ATP9B: variants seen among roughly 807,000 people sequenced by gnomAD.
ATP9B encodes the protein ATPase phospholipid transporting 9B, also known as probable phospholipid-transporting ATPase IIB.
A neutral mutation model predicts 146.1 loss-of-function variants in ATP9B; 110 were observed. The observed-to-expected ratio is 0.75, with a 90% CI of 0.65 to 0.88. ATP9B has a LOEUF of 0.88. ATP9B is among the 40% of genes least tolerant of loss of function. ATP9B has a pLI of 0.00. For missense variants in ATP9B, 1,499 were observed against 1,496.4 expected (o/e 1.00, Z -0.03); for synonymous variants, 604 against 569.7 (o/e 1.06, Z -0.86).
intron 8 of ATP9B, among the ~76,000 whole-genome samples, chr18:79,187,202 A>G (rs999244966): frequency 2.0e-5 from 3 of 152,222 alleles, no homozygotes; most frequent in Non-Finnish European, 4.4e-5. Flanking sequence ...TTTCTGCTAC[A>G]CTGTCTAGGG....
chr18:79,125,137 A>G (rs2094260787), intron 4 of ATP9B, among the ~76,000 whole-genome samples: 1 of 152,190 alleles, frequency 6.6e-6, no homozygotes. Context: ...AGTATACTGG[A>G]TATGAAAAGG....
At chr18:79,340,814 G>C (rs917522526) in intron 19 of ATP9B, among the ~76,000 whole-genome samples, 6 of 152,178 alleles carry the variant, frequency 3.9e-5, no homozygotes, top group Non-Finnish European at 7.3e-5. Context: ...CTTTTGGTTT[G>C]ACTATGGGCC....
intron 11 of ATP9B, among the ~76,000 whole-genome samples, chr18:79,215,799 C>G (rs1307639361): frequency 1.3e-5 from 2 of 152,120 alleles, no homozygotes; most frequent in East Asian, 3.9e-4. Flanking sequence ...AAGCGATTCT[C>G]CTGCCTCAGC....
chr18:79,339,540 T>C (rs370819859), intron 19 of ATP9B, among the ~76,000 whole-genome samples: 20 of 151,204 alleles, frequency 1.3e-4, no homozygotes, highest in Non-Finnish European at 2.8e-4. Context: ...CTGTATCATA[T>C]CTGAGATCGC....
In ATP9B at chr18:79,122,959, T is replaced by C. The variant is rs148522930; in HGVS notation, c.559-3308T>C. ...ATAAAAATTTCTTCTGTTCTTAAAA[T>C]TTTGTACTTCACACAGCTGACATCA... On this transcript the variant is annotated intron_variant, in intron 4 of 29. Coordinates refer to ENST00000426216, the MANE Select transcript of ATP9B (RefSeq NM_198531.5). 4.1e-4 allele frequency among the ~76,000 whole-genome samples: 63 copies of C among 152,308 alleles called. 1 individual carries two copies. The East Asian group carries it at 6.2e-3, about 15-fold the overall frequency.
At chr18:79,354,584 A>C (rs1208415103) in intron 25 of ATP9B, 6 of 147,940 alleles carry the variant, frequency 4.1e-5, no homozygotes, top group Admixed American at 6.8e-5. Context: ...AAAAAAAAAA[A>C]AAAAAAAAAA....
At position 79,342,253 on chromosome 18, in the gene ATP9B, T is replaced by G; in HGVS notation, c.2284-15T>G. On this transcript the variant is annotated splice_polypyrimidine_tract_variant and intron_variant, in intron 19 of 29. Coordinates refer to ENST00000426216, the MANE Select transcript of ATP9B (RefSeq NM_198531.5). ...CTTGTCTTGTTGAAATTCACCAGTT[T>G]AAATTGTTCCCTAGATATGGATGCT... is the stretch of plus-strand genomic sequence containing the variant. 1 of 1,597,576 alleles carries G rather than the reference T, an allele frequency of 6.3e-7. No individual in the cohort carries two copies. The highest frequency in any genetic ancestry group is 1.1e-5 in the South Asian group (1 of 90,496).
chr18:79,347,435 T>TC (rs1185665770), intron 23 of ATP9B, among the ~76,000 whole-genome samples: 3 of 150,132 alleles, frequency 2.0e-5, no homozygotes, highest in Non-Finnish European at 4.4e-5. Flanking sequence ...AGGGGTGTCT[T>TC]CCGACAGGGC....
chr18:79,201,639 C>T (rs1012577763), intron 9 of ATP9B, among the ~76,000 whole-genome samples: 2 of 152,030 alleles, frequency 1.3e-5, no homozygotes, highest in African/African-American at 2.4e-5. Flanking sequence ...GGCGTGATCT[C>T]GGCTCACTGT....
chr18:79,111,015 CCTT>C (rs1206717895), intron 3 of ATP9B, among the ~76,000 whole-genome samples: 5 of 152,070 alleles, frequency 3.3e-5, no homozygotes, highest in African/African-American at 7.2e-5. Context: ...AAATCTCAGA[CCTT>C]CTTATATTGT....
At chr18:79,200,973 C>G (rs1304017282) in intron 9 of ATP9B, among the ~76,000 whole-genome samples, 1 of 152,170 alleles carries the variant, frequency 6.6e-6, no homozygotes, top group Non-Finnish European at 1.5e-5. Flanking sequence ...GTGTTGAGCA[C>G]AAACTGAATT....
intron 27 of ATP9B, among the ~76,000 whole-genome samples, chr18:79,373,491 C>CTT (rs59813494): frequency 0.22 from 27,634 of 127,558 alleles, 3,476 homozygotes; most frequent in East Asian, 0.52. Flanking sequence ...CATTATCCGC[C>CTT]TTTTTTTTTT....
At chr18:79,309,420 A>G (rs2096638682) in intron 15 of ATP9B, among the ~76,000 whole-genome samples, 1 of 146,786 alleles carries the variant, frequency 6.8e-6, no homozygotes, top group African/African-American at 2.6e-5. Context: ...AGCAGGTAGA[A>G]GGTCAGGGGT....
At chr18:79,267,354 T>C (rs1344533030) in intron 12 of ATP9B, among the ~76,000 whole-genome samples, 1 of 152,094 alleles carries the variant, frequency 6.6e-6, no homozygotes, top group South Asian at 2.1e-4. Context: ...TCATTTCTTA[T>C]GGAAATACCT....
intron 12 of ATP9B, among the ~76,000 whole-genome samples, chr18:79,259,754 T>C (rs2096121511): frequency 6.6e-6 from 1 of 152,236 alleles, no homozygotes; most frequent in Non-Finnish European, 1.5e-5. Context: ...TCATTGCTCC[T>C]GGATTTAGGA....
At chr18:79,110,697 C>A (rs1599624367) in intron 3 of ATP9B, among the ~76,000 whole-genome samples, 192 bp downstream of exon 3, 1 of 152,162 alleles carries the variant, frequency 6.6e-6, no homozygotes, top group Non-Finnish European at 1.5e-5. Context: ...TTAATGGCTA[C>A]ATCATAGAGT....
At chr18:79,146,127 CGGG>C (rs2094582462) in intron 6 of ATP9B, 1 of 18,256 alleles carries the variant, frequency 5.5e-5, no homozygotes, top group East Asian at 2.0e-3. Flanking sequence ...GGCTGCATGT[CGGG>C]GGAGCTGGCG....
intron 2 of ATP9B, among the ~76,000 whole-genome samples, chr18:79,098,886 G>C (rs904350257): frequency 1.3e-5 from 2 of 152,122 alleles, no homozygotes; most frequent in Non-Finnish European, 2.9e-5. Flanking sequence ...TTTGAAGAAT[G>C]AACATCAGTT....
chr18:79,305,547 C>A (rs893890384), intron 14 of ATP9B, among the ~76,000 whole-genome samples: 1 of 152,074 alleles, frequency 6.6e-6, no homozygotes, highest in South Asian at 2.1e-4. Flanking sequence ...AATACAGTTT[C>A]TCCCAGGAAT....
Sources: allele counts gnomAD v4.1 joint callset (sites outside exome capture counted in the v4.1 genomes callset), GRCh38; gene constraint gnomAD v4.1.1; transcripts MANE v1.5; gene names NCBI Gene and HGNC (gene_info 2026-07-23, HGNC 2026-07-21).